Variants in COL19A1 observed in about 807,000 individuals in gnomAD.
COL19A1 encodes collagen type XIX alpha 1 chain.
Under a neutral mutation model 190.2 loss-of-function variants are expected in COL19A1, and 159 were observed. That is an observed-to-expected ratio of 0.84 (90% CI 0.73 to 0.95). COL19A1 has a LOEUF of 0.95. Ranked by LOEUF, COL19A1 falls within the 40% of genes least tolerant of loss-of-function variation. The probability of loss-of-function intolerance (pLI) is 0.00; values close to 1 mark genes in which losing one functional copy is unlikely to be tolerated. For missense variants in COL19A1, 1,418 were observed against 1,431.9 expected, an observed-to-expected ratio of 0.99 and a Z score of 0.16; for synonymous variants, 509 against 458.9, an observed-to-expected ratio of 1.11 and a Z score of -1.39.
intron 16 of COL19A1, among the ~76,000 whole-genome samples, chr6:70,107,587 G>T (rs890353137): frequency 3.3e-5 from 5 of 152,152 alleles, no homozygotes; most frequent in African/African-American, 1.2e-4. Context: ...AGAAGAGATT[G>T]TCTTCAATCA....
chr6:69,996,045 T>G (rs1776885170), intron 11 of COL19A1, among the ~76,000 whole-genome samples: 1 of 152,122 alleles, frequency 6.6e-6, no homozygotes. Context: ...GAACACAAAT[T>G]TATCTCAAAC....
chr6:69,888,419 T>C (rs1338449893), intron 2 of COL19A1, among the ~76,000 whole-genome samples: 2 of 152,094 alleles, frequency 1.3e-5, no homozygotes, highest in Non-Finnish European at 2.9e-5. Context: ...AATTAACTCT[T>C]TCTAGTTTGA....
chr6:70,159,506 C>T (rs1212865904), intron 34 of COL19A1, among the ~76,000 whole-genome samples: 2 of 152,154 alleles, frequency 1.3e-5, no homozygotes, highest in Non-Finnish European at 2.9e-5. Flanking sequence ...AACACCAATA[C>T]ACACAAGATT....
At chr6:70,101,312 C>G (rs1302971360) in intron 15 of COL19A1, among the ~76,000 whole-genome samples, 1 of 151,972 alleles carries the variant, frequency 6.6e-6, no homozygotes, top group African/African-American at 2.4e-5. Context: ...AAGCTCACTT[C>G]CCTCTTTTAA....
At chr6:70,163,458 C>T in intron 36 of COL19A1, 62 bp downstream of exon 36, 1 of 1,469,596 alleles carries the variant, frequency 6.8e-7, no homozygotes, top group Non-Finnish European at 9.4e-7. Flanking sequence ...CAGGATGAGA[C>T]TCTTCACAGA....
chr6:69,944,951 T>C (rs1358423150), intron 9 of COL19A1, among the ~76,000 whole-genome samples: 2 of 152,004 alleles, frequency 1.3e-5, no homozygotes, highest in Non-Finnish European at 2.9e-5. Flanking sequence ...ATTTTCTGAA[T>C]TTTTTAATTC....
At chr6:70,116,587 C>G (rs1784591576) in intron 16 of COL19A1, among the ~76,000 whole-genome samples, 2 of 152,000 alleles carry the variant, frequency 1.3e-5, no homozygotes, top group African/African-American at 4.8e-5. Flanking sequence ...TTACCTTTTC[C>G]AACCATTATT....
At chr6:69,950,109 T>C (rs1562027180) in intron 9 of COL19A1, among the ~76,000 whole-genome samples, 1 of 151,918 alleles carries the variant, frequency 6.6e-6, no homozygotes, top group African/African-American at 2.4e-5. Flanking sequence ...AATCACATTA[T>C]TCTAAAATAA....
At chr6:70,020,814 C>A (rs78833342) in intron 11 of COL19A1, among the ~76,000 whole-genome samples, 2,961 of 151,976 alleles carry the variant, frequency 0.019, 73 homozygotes, top group African/African-American at 0.065. Context: ...GATTAAGGGA[C>A]CTTAAGAGAT....
rs1780133876 is a variant in COL19A1 at position 70,050,218 on chromosome 6, A to G, written c.1170+14279A>G. Among the ~76,000 whole-genome samples the G allele has an allele frequency of 2.0e-5, 3 of 152,042 alleles. No homozygotes were observed. In the South Asian group the frequency reaches 6.2e-4, roughly 31 times the overall value. On this transcript the variant is annotated intron_variant, in intron 14 of 50. Coordinates refer to ENST00000620364, the MANE Select transcript of COL19A1 (RefSeq NM_001858.6). ...CCTGGCTTCTAGTAAATACTATTTA[A>G]CTCTTAGCTATTGATGTTATTGTTA...
Position 70,144,889 on chromosome 6 carries a change from A to G in COL19A1, c.1681-29A>G, listed in dbSNP as rs745580958. 9 of 1,420,948 alleles carry G rather than the reference A, an allele frequency of 6.3e-6. 1 individual carries two copies. The South Asian group carries it at 7.5e-5, about 12-fold the overall frequency. 88.0% of individuals were successfully genotyped at this position (1,420,948 alleles called of 1,614,324 possible). ...CTTCCCACCATGAACCTGAGCATCA[A>G]AGTAAGAATCTTACCTTGTTTTCTA... On this transcript the variant is annotated intron_variant, in intron 24 of 50. Transcript: ENST00000620364.
chr6:69,911,748 G>A (rs1309209856), intron 4 of COL19A1, among the ~76,000 whole-genome samples: 1 of 152,024 alleles, frequency 6.6e-6, no homozygotes, highest in Non-Finnish European at 1.5e-5. Context: ...TCCTCTCCTA[G>A]CCAGCCTCCT....
chr6:70,184,696 T>G lies in COL19A1; in HGVS notation c.2776-7T>G, dbSNP rs1255846279. ...GTTAGAAATATTAATCCTTTTTTTCTTTATAGGGAATAAATGGAAAAGATG... is the reference window on the plus strand; with the variant it reads ...GTTAGAAATATTAATCCTTTTTTTCGTTATAGGGAATAAATGGAAAAGATG... On this transcript the variant is annotated splice_region_variant and splice_polypyrimidine_tract_variant and intron_variant, in intron 44 of 50. Transcript: ENST00000620364. 6.3e-7 allele frequency: 1 copy of G among 1,588,492 alleles called. No individual in the cohort carries two copies. Among genetic ancestry groups the G allele is most frequent in the Admixed American group, 1.7e-5 (1 of 58,526 alleles).
rs147000947 is a variant in COL19A1 at position 70,210,196 on chromosome 6, ATGTT to A, written c.*2925_*2928del. 0.018 allele frequency among the ~76,000 whole-genome samples: 2,788 copies of A among 152,292 alleles called. 89 individuals are homozygous for A. Among genetic ancestry groups the A allele is most frequent in the African/African-American group, 0.063 (2,612 of 41,558 alleles). On this transcript the variant is annotated 3_prime_UTR_variant, in exon 51 of 51. Transcript: ENST00000620364. Reference sequence around the variant, plus strand: ...AAAACTGTGATTTCCATATACAAGTATGTTTGAGTTCCAATCTTACATTTTATAC... The same window carrying A: ...AAAACTGTGATTTCCATATACAAGTATGAGTTCCAATCTTACATTTTATAC...
chr6:69,896,430 T>G (rs932662068), intron 2 of COL19A1, among the ~76,000 whole-genome samples: 4 of 150,590 alleles, frequency 2.7e-5, no homozygotes, highest in African/African-American at 4.9e-5. Context: ...CCAGCTACTC[T>G]GGAGGCTGAG....
At chr6:70,166,294 C>T (rs1765153089) in intron 37 of COL19A1, among the ~76,000 whole-genome samples, 1 of 152,174 alleles carries the variant, frequency 6.6e-6, no homozygotes. Context: ...CCTTAATGTG[C>T]TTCATTCACA....
intron 41 of COL19A1, among the ~76,000 whole-genome samples, chr6:70,175,987 T>C (rs902823642): frequency 2.6e-5 from 4 of 151,976 alleles, no homozygotes; most frequent in Non-Finnish European, 1.5e-5. Flanking sequence ...AAATATCACA[T>C]TGGCTCTTAA....
chr6:70,000,113 G>GC (rs1265335586), intron 11 of COL19A1, among the ~76,000 whole-genome samples: 1 of 152,138 alleles, frequency 6.6e-6, no homozygotes, highest in Non-Finnish European at 1.5e-5. Flanking sequence ...GTGAGAACAT[G>GC]CAGTGTTTGG....
intron 15 of COL19A1, among the ~76,000 whole-genome samples, chr6:70,082,982 G>A (rs958955954): frequency 3.2e-4 from 49 of 152,162 alleles, no homozygotes; most frequent in African/African-American, 1.2e-3. Flanking sequence ...AGTTCATGCG[G>A]TAATGCTCGC....
Sources: allele counts gnomAD v4.1 joint callset (sites outside exome capture counted in the v4.1 genomes callset), GRCh38; gene constraint gnomAD v4.1.1; transcripts MANE v1.5; gene names NCBI Gene and HGNC (gene_info 2026-07-23, HGNC 2026-07-21).